Variants in DGKB observed in about 807,000 individuals in gnomAD.
DGKB encodes the protein 90 kDa diacylglycerol kinase.
DGKB carries 67 observed loss-of-function variants against 114.3 expected under a neutral mutation model. The observed-to-expected ratio is 0.59, with a 90% confidence interval of 0.48 to 0.72. The LOEUF (loss-of-function observed/expected upper bound fraction) is 0.72. Among genes scored for constraint, DGKB ranks in the 30% least tolerant of loss-of-function variants. The pLI is 0.00. For synonymous variants in DGKB, 398 were observed against 323.1 expected, an observed-to-expected ratio of 1.23 and a Z score of -2.49; for missense variants, 907 against 975.2, an observed-to-expected ratio of 0.93 and a Z score of 0.93.
chr7:14,680,723 A>G (rs1021354614), intron 12 of DGKB, among the ~76,000 whole-genome samples: 1 of 152,072 alleles, frequency 6.6e-6, no homozygotes, highest in African/African-American at 2.4e-5. Context: ...TGGAAAGGGT[A>G]GAAGACAGAC....
At chr7:14,568,536 G>A (rs1227877617) in intron 20 of DGKB, among the ~76,000 whole-genome samples, 1 of 152,176 alleles carries the variant, frequency 6.6e-6, no homozygotes, top group Non-Finnish European at 1.5e-5. Context: ...TTGTTGAATA[G>A]AGAAGGTTAT....
chr7:14,546,294 C>G (rs1794271720), intron 20 of DGKB, among the ~76,000 whole-genome samples: 3 of 152,022 alleles, frequency 2.0e-5, no homozygotes, highest in Admixed American at 6.6e-5. Flanking sequence ...TGAAGAACTT[C>G]TTGACTTTGC....
intron 13 of DGKB, among the ~76,000 whole-genome samples, chr7:14,658,127 A>C (rs1180495363): frequency 6.6e-6 from 1 of 152,002 alleles, no homozygotes; most frequent in Admixed American, 6.6e-5. Context: ...GGAGAAGTTA[A>C]TATGACATAT....
At chr7:14,376,901 T>G (rs1476569065) in intron 21 of DGKB, among the ~76,000 whole-genome samples, 1 of 152,218 alleles carries the variant, frequency 6.6e-6, no homozygotes, top group African/African-American at 2.4e-5. Flanking sequence ...GAAATTTTGC[T>G]GACAGTGAGA....
At chr7:14,837,899 T>G (rs1847376988) in intron 2 of DGKB, among the ~76,000 whole-genome samples, 1 of 152,192 alleles carries the variant, frequency 6.6e-6, no homozygotes, top group Admixed American at 6.5e-5. Context: ...ATCTAGCACT[T>G]TTCATGTTGT....
chr7:14,811,522 G>A (rs931639450), intron 2 of DGKB, among the ~76,000 whole-genome samples: 1 of 152,036 alleles, frequency 6.6e-6, no homozygotes, highest in African/African-American at 2.4e-5. Flanking sequence ...TTATTCAAAC[G>A]TGAAATTATT....
At chr7:14,490,022 A>T (rs1563308138) in intron 20 of DGKB, among the ~76,000 whole-genome samples, 2 of 152,156 alleles carry the variant, frequency 1.3e-5, no homozygotes, top group Non-Finnish European at 2.9e-5. Context: ...AACATTCATT[A>T]ACTCAAGAAC....
chr7:14,416,093 A>C (rs550917129), intron 21 of DGKB, among the ~76,000 whole-genome samples: 4 of 151,998 alleles, frequency 2.6e-5, no homozygotes, highest in Non-Finnish European at 5.9e-5. Context: ...CTGTTCATAT[A>C]CTTCGCCCAC....
At chr7:14,560,434 C>A (rs1026662961) in intron 20 of DGKB, among the ~76,000 whole-genome samples, 5 of 152,136 alleles carry the variant, frequency 3.3e-5, no homozygotes, top group African/African-American at 9.7e-5. Context: ...ATTTTATATA[C>A]CTCATATAAA....
At chr7:14,824,164 A>G (rs925306356) in intron 2 of DGKB, among the ~76,000 whole-genome samples, 1 of 152,082 alleles carries the variant, frequency 6.6e-6, no homozygotes, top group Non-Finnish European at 1.5e-5. Flanking sequence ...ATTACCTCAC[A>G]CCAGGTCCCT....
intron 21 of DGKB, among the ~76,000 whole-genome samples, chr7:14,448,019 T>A (rs1485310489): frequency 5.3e-5 from 8 of 152,094 alleles, no homozygotes. Flanking sequence ...AATACTCCAG[T>A]TTATGCATGC....
At chr7:14,154,987 A>G (rs995053360) in intron 25 of DGKB, among the ~76,000 whole-genome samples, 1 of 152,072 alleles carries the variant, frequency 6.6e-6, no homozygotes, top group African/African-American at 2.4e-5. Context: ...AGGAACACTG[A>G]CATCATTGTT....
intron 20 of DGKB, among the ~76,000 whole-genome samples, chr7:14,483,112 G>A (rs1253528645): frequency 6.7e-6 from 1 of 150,154 alleles, no homozygotes; most frequent in Admixed American, 6.6e-5. Context: ...ATCATCTGTA[G>A]TGGGCTCAAT....
At chr7:14,647,641 C>G (rs1292847504) in intron 13 of DGKB, among the ~76,000 whole-genome samples, 1 of 151,820 alleles carries the variant, frequency 6.6e-6, no homozygotes, top group East Asian at 1.9e-4. Flanking sequence ...GGGGGAGGAG[C>G]CAAGATGGCC....
At chr7:14,857,929 T>G (rs1173757565) in intron 1 of DGKB, among the ~76,000 whole-genome samples, 4 of 152,180 alleles carry the variant, frequency 2.6e-5, no homozygotes, top group African/African-American at 9.7e-5. Context: ...CTAGAAAATA[T>G]GTGTCCAATG....
intron 21 of DGKB, among the ~76,000 whole-genome samples, chr7:14,390,902 G>A (rs187252859): frequency 6.6e-6 from 1 of 152,156 alleles, no homozygotes. Context: ...TTATATTAAT[G>A]CCTAATATTG....
At chr7:14,448,651 G>T (rs763166249) in intron 21 of DGKB, among the ~76,000 whole-genome samples, 16 of 152,014 alleles carry the variant, frequency 1.1e-4, no homozygotes, top group Non-Finnish European at 1.5e-4. Context: ...CAAAAAACAA[G>T]TAATTTACTT....
At chr7:14,397,551 G>A (rs951845054) in intron 21 of DGKB, among the ~76,000 whole-genome samples, 1 of 152,000 alleles carries the variant, frequency 6.6e-6, no homozygotes, top group Admixed American at 6.6e-5. Flanking sequence ...AAGTTGCTTT[G>A]TTCATTGCGT....
intron 2 of DGKB, among the ~76,000 whole-genome samples, chr7:14,760,016 T>C (rs186118944): frequency 1.6e-4 from 25 of 152,326 alleles, no homozygotes; most frequent in African/African-American, 6.0e-4. Context: ...CTAATAATGC[T>C]GAGCATCTTT....
Sources: allele counts gnomAD v4.1 joint callset (sites outside exome capture counted in the v4.1 genomes callset), GRCh38; gene constraint gnomAD v4.1.1; transcripts MANE v1.5; gene names NCBI Gene and HGNC (gene_info 2026-07-23, HGNC 2026-07-21).